Variants in KNDC1 observed in about 807,000 individuals in gnomAD.
KNDC1 encodes kinase non-catalytic C-lobe domain containing 1, also known as kinase non-catalytic C-lobe domain-containing protein 1.
Under a neutral mutation model 172.8 loss-of-function variants are expected in KNDC1, and 106 were observed. The observed-to-expected ratio is 0.61, with a 90% CI of 0.52 to 0.72. The LOEUF is 0.72. Ranked by LOEUF, KNDC1 falls within the 30% of genes least tolerant of loss-of-function variation. The probability of loss-of-function intolerance (pLI) is 0.00; values close to 1 mark genes in which losing one functional copy is unlikely to be tolerated. For synonymous variants in KNDC1, 1,083 were observed against 1,062.2 expected (o/e 1.02, Z -0.38); for missense variants, 2,325 against 2,394.5 (o/e 0.97, Z 0.61).
chr10:133,161,153 C>T (rs936450072), intron 1 of KNDC1, among the ~76,000 whole-genome samples: 1 of 152,226 alleles, frequency 6.6e-6, no homozygotes, highest in African/African-American at 2.4e-5. Context: ...CACCCTACAG[C>T]ACCGGCTGCC....
intron 17 of KNDC1, chr10:133,202,488 C>A (rs1854401654): frequency 5.0e-6 from 2 of 399,760 alleles, no homozygotes; most frequent in Admixed American, 2.8e-5. Flanking sequence ...GGACCAGTGA[C>A]CCACAGCCCC....
chr10:133,196,932 C>A, intron 10 of KNDC1, 126 bp from the exon 11 acceptor site: 2 of 704,810 alleles, frequency 2.8e-6, no homozygotes, highest in Non-Finnish European at 2.5e-6. Context: ...AGTTGGGTGT[C>A]GGTGAGAACA....
In KNDC1 at chr10:133,224,087, T is replaced by A. The variant is rs1404589625; in HGVS notation, c.5019-572T>A. On this transcript the variant is annotated intron_variant, in intron 29 of 29. Transcript: ENST00000304613. This position sits in a 1 kb window ranked among gnomAD's most constrained non-coding sequence, Gnocchi z 5.4. ...TTCTTTGCCGTAATGGACGCCCCTT[T>A]CTTTGTCCCTCACACTGGGCATGTG... 6.6e-6 allele frequency among the ~76,000 whole-genome samples: 1 copy of A among 152,184 alleles called. No individual in the cohort carries two copies. The highest frequency in any genetic ancestry group is 1.5e-5 in the Non-Finnish European group (1 of 68,046).
In KNDC1 at chr10:133,224,033, G is replaced by A. The variant is rs1302346993; in HGVS notation, c.5019-626G>A. Among the ~76,000 whole-genome samples, 1 of 152,074 alleles carries A rather than the reference G, an allele frequency of 6.6e-6. No individual in the cohort carries two copies. Among genetic ancestry groups the A allele is most frequent in the Non-Finnish European group, 1.5e-5 (1 of 68,024 alleles). On this transcript the variant is annotated intron_variant, in intron 29 of 29. Transcript: ENST00000304613. This position sits in a 1 kb window ranked among gnomAD's most constrained non-coding sequence, Gnocchi z 5.4. ...CAGGCATGCTCTTCCCGGCGTGTGTGTGTGTGAGAGCCCATCCAGGCTTGG... is the reference window on the plus strand; with the variant it reads ...CAGGCATGCTCTTCCCGGCGTGTGTATGTGTGAGAGCCCATCCAGGCTTGG...
rs533834648 is a variant in KNDC1, at chr10:133,214,175, G to A, written c.4677+53G>A. On this transcript the variant is annotated intron_variant, in intron 26 of 29. Coordinates refer to ENST00000304613, the MANE Select transcript of KNDC1 (RefSeq NM_152643.8). ...CACGGGGCGTGGGGCCCACCTACGC[G>A]GGGGTGGCAGCGCCTCCTATAAGGC... The A allele has an allele frequency of 5.0e-4, 801 of 1,594,356 alleles. 2 individuals are homozygous for A. The African/African-American group carries it at 8.8e-3, about 17-fold the overall frequency.
chr10:133,189,506 C>T (rs570253710), intron 7 of KNDC1, 92 bp from the exon 8 acceptor site: 21 of 1,251,862 alleles, frequency 1.7e-5, no homozygotes, highest in Middle Eastern at 2.6e-4. Context: ...GGGGGCTGCC[C>T]GGCCTGACTG....
At chr10:133,194,851 G>A (rs1854145291) in intron 9 of KNDC1, among the ~76,000 whole-genome samples, 1 of 152,250 alleles carries the variant, frequency 6.6e-6, no homozygotes, top group Non-Finnish European at 1.5e-5. Flanking sequence ...AGTGTGTCAT[G>A]TCTGTGGCCG....
chr10:133,224,698 G>A lies in KNDC1; in HGVS notation c.5058G>A (p.Gln1686=). The A allele has an allele frequency of 6.2e-7, 1 of 1,614,074 alleles. No homozygotes were observed. The highest frequency in any genetic ancestry group is 8.5e-7 in the Non-Finnish European group (1 of 1,180,010). ...TGGTGAGCCAGGTGCACGCGTTCCA[G>A]GAGAACCCTTACACCTTCAGCCCCG... is the stretch of plus-strand genomic sequence containing the variant. ...AKVVSQVHAF[Q]ENPYTFSPDP... Residue 1686 remains glutamine, a synonymous_variant, in exon 30 of 30, where the codon CAG becomes CAA. Transcript: ENST00000304613. The surrounding 1 kb of genome is among the most constrained non-coding windows in gnomAD (Gnocchi z 5.4).
chr10:133,203,288 G>A (rs1854432197), intron 17 of KNDC1, among the ~76,000 whole-genome samples: 1 of 151,304 alleles, frequency 6.6e-6, no homozygotes, highest in African/African-American at 2.4e-5. Flanking sequence ...CAAACTCACG[G>A]CGTCCAGCGG....
At chr10:133,185,377 TAGGCAG>T (rs1336307496) in intron 5 of KNDC1, among the ~76,000 whole-genome samples, 6 of 131,124 alleles carry the variant, frequency 4.6e-5, no homozygotes, top group South Asian at 2.5e-4. Flanking sequence ...CAGTGTGGAG[TAGGCAG>T]TGTGTACAGT....
At chr10:133,172,571 C>A (rs1274738673) in intron 3 of KNDC1, among the ~76,000 whole-genome samples, 1 of 152,156 alleles carries the variant, frequency 6.6e-6, no homozygotes. Flanking sequence ...ATAAGCAGCA[C>A]CCCCTCCCTT....
intron 17 of KNDC1, 44 bp downstream of exon 17, chr10:133,201,942 C>T (rs1414310682): frequency 6.6e-7 from 1 of 1,522,800 alleles, no homozygotes; most frequent in Non-Finnish European, 8.8e-7. Context: ...CAGGGCGTCT[C>T]CTTCCAGCAG....
At chr10:133,196,950 A>G in intron 10 of KNDC1, 108 bp from the exon 11 acceptor site, 1 of 829,522 alleles carries the variant, frequency 1.2e-6, no homozygotes, top group Middle Eastern at 2.3e-4. Context: ...ACAAACAGGA[A>G]ACCCTCCTGG....
chr10:133,210,081 C>T (rs573014159), intron 20 of KNDC1, among the ~76,000 whole-genome samples: 1 of 152,098 alleles, frequency 6.6e-6, no homozygotes, highest in African/African-American at 2.4e-5. Context: ...CATAGGGCTG[C>T]GTTCAGAAAG....
chr10:133,222,542 T>TGC (rs1179067315), intron 29 of KNDC1, among the ~76,000 whole-genome samples: 1 of 47,506 alleles, frequency 2.1e-5, no homozygotes, highest in African/African-American at 6.3e-5. Context: ...CCGGCGTGTG[T>TGC]GTGTGTGAGA....
At chr10:133,193,109 GA>G (rs1396260838) in intron 9 of KNDC1, among the ~76,000 whole-genome samples, 4 of 149,814 alleles carry the variant, frequency 2.7e-5, no homozygotes, top group East Asian at 2.0e-4. Context: ...TATGGGGGGG[GA>G]AAACAGTTCA....
At chr10:133,198,312 C>T (rs1854251620) in intron 12 of KNDC1, 25 bp from the exon 13 acceptor site, 2 of 1,539,204 alleles carry the variant, frequency 1.3e-6, no homozygotes, top group South Asian at 1.2e-5. Flanking sequence ...CGCCCGCCCA[C>T]ACCCTCAGCC....
chr10:133,224,973 C>A lies in KNDC1; in HGVS notation c.*83C>A. ...GGGAGGTGGGAGCCGCGTCTCAGGC[C>A]CGGCCGTTATCAAGGCCCCTCCGCC... On this transcript the variant is annotated 3_prime_UTR_variant, in exon 30 of 30. Coordinates refer to ENST00000304613, the MANE Select transcript of KNDC1 (RefSeq NM_152643.8). This position sits in a 1 kb window ranked among gnomAD's most constrained non-coding sequence, Gnocchi z 5.4. 2 of 1,154,104 alleles carry A rather than the reference C, an allele frequency of 1.7e-6. No homozygotes were observed. The highest frequency in any genetic ancestry group is 2.5e-6 in the Non-Finnish European group (2 of 789,840). The allele number at this position is 1,154,104 out of a possible 1,614,324, so 71.5% of individuals were successfully genotyped here. A position where few individuals can be genotyped will look rare whatever the true frequency, so the allele number is the denominator to read the frequency against.
Position 133,211,701 on chromosome 10 carries a change from C to T in KNDC1, c.4079C>T (p.Ala1360Val). Residue 1360 changes from alanine to valine, a missense_variant, in exon 23 of 30, where the codon GCC (alanine) becomes GTC (valine). Transcript: ENST00000304613. ...SSKILPLDGS[A>V]KHLLGLLEVG... ...TAGATCCTACCCCTGGACGGCTCTG[C>T]CAAGCACCTGCTGGGCCTCCTGGAG... is the stretch of plus-strand genomic sequence containing the variant. 6 of 1,603,160 alleles carry T rather than the reference C, an allele frequency of 3.7e-6. No homozygotes were observed. Among genetic ancestry groups the T allele is most frequent in the Non-Finnish European group, 5.1e-6 (6 of 1,174,622 alleles).
Sources: allele counts gnomAD v4.1 joint callset (sites outside exome capture counted in the v4.1 genomes callset), GRCh38; gene constraint gnomAD v4.1.1; non-coding constraint Gnocchi (gnomAD v3.1); transcripts MANE v1.5; gene names NCBI Gene and HGNC (gene_info 2026-07-23, HGNC 2026-07-21).